AAK1: variants seen among roughly 807,000 people sequenced by gnomAD.
AAK1 encodes AP2 associated kinase 1, also known as AP2-associated protein kinase 1.
In AAK1, 37 loss-of-function variants were observed where a neutral mutation model predicts 116.0. The ratio of observed to expected loss-of-function variants is 0.32; its 90% CI spans 0.25 to 0.42. The LOEUF (loss-of-function observed/expected upper bound fraction) is 0.42, where lower values mean the gene tolerates loss of function less well. Ranked by LOEUF, AAK1 falls within the 10% of genes least tolerant of loss-of-function variation. The pLI is 1.00. For synonymous variants in AAK1, 458 were observed against 439.9 expected, an observed-to-expected ratio of 1.04 and a Z score of -0.51; for missense variants, 919 against 1,170.6, an observed-to-expected ratio of 0.79 and a Z score of 3.14.
Position 69,465,569 on chromosome 2 carries a change from G to C in AAK1, c.*10300C>G. The C allele has an allele frequency of 7.7e-7, 1 of 1,290,982 alleles. No individual in the cohort carries two copies. Among genetic ancestry groups the C allele is most frequent in the Non-Finnish European group, 1.0e-6 (1 of 988,882 alleles). 80.0% of individuals were successfully genotyped at this position (1,290,982 alleles called of 1,614,324 possible). A position where few individuals can be genotyped will look rare whatever the true frequency, so the allele number is the denominator to read the frequency against. On this transcript the variant is annotated 3_prime_UTR_variant, in exon 22 of 22. Coordinates refer to ENST00000409085, the MANE Select transcript of AAK1 (RefSeq NM_014911.5). ...TGTTGGTTTGTGAAACAATTTTGTA[G>C]GCAGCAATGGGCTGGGCTTCTGGAC...
chr2:69,562,595 T>TA (rs1452848043), intron 2 of AAK1, among the ~76,000 whole-genome samples: 1 of 152,122 alleles, frequency 6.6e-6, no homozygotes, highest in South Asian at 2.1e-4. Context: ...TTCAGACTTT[T>TA]AAAAAACAAA....
At chr2:69,546,333 C>G (rs1042730945) in intron 3 of AAK1, among the ~76,000 whole-genome samples, 6 of 152,192 alleles carry the variant, frequency 3.9e-5, no homozygotes, top group African/African-American at 1.4e-4. Context: ...CACACAATCT[C>G]TATAATTCAA....
chr2:69,529,826 T>C (rs1179869733), intron 8 of AAK1, among the ~76,000 whole-genome samples, 182 bp downstream of exon 8: 2 of 152,192 alleles, frequency 1.3e-5, no homozygotes, highest in Non-Finnish European at 2.9e-5. Flanking sequence ...TTCAGATTTC[T>C]AGCAAAAAGA....
chr2:69,476,750 A>G (rs150232867), intron 21 of AAK1, 130 bp downstream of exon 21: 46 of 633,840 alleles, frequency 7.3e-5, no homozygotes, highest in African/African-American at 2.7e-4. Flanking sequence ...CCAGCCTACA[A>G]TGATTCTCAT....
chr2:69,566,698 CCCT>C (rs1216436592), intron 2 of AAK1, among the ~76,000 whole-genome samples: 1 of 152,154 alleles, frequency 6.6e-6, no homozygotes, highest in Non-Finnish European at 1.5e-5. Flanking sequence ...GCAAGAGTCT[CCCT>C]CCTCCTCTCA....
intron 2 of AAK1, among the ~76,000 whole-genome samples, chr2:69,634,722 AAGAC>A (rs1416786492): frequency 6.6e-6 from 1 of 152,240 alleles, no homozygotes; most frequent in African/African-American, 2.4e-5. Context: ...AGATTTCATG[AAGAC>A]AGACTATTCT....
intron 5 of AAK1, among the ~76,000 whole-genome samples, chr2:69,539,007 C>T (rs1670592676): frequency 6.6e-6 from 1 of 152,216 alleles, no homozygotes; most frequent in Non-Finnish European, 1.5e-5. Flanking sequence ...CCCTTTCAGG[C>T]ATTTACCATG....
intron 2 of AAK1, among the ~76,000 whole-genome samples, chr2:69,640,079 T>TCTCC (rs746154277): frequency 5.9e-5 from 8 of 136,412 alleles, no homozygotes; most frequent in South Asian, 2.4e-4. Flanking sequence ...TCTCTCTCTC[T>TCTCC]CCCCCCCCAC....
intron 2 of AAK1, among the ~76,000 whole-genome samples, chr2:69,559,842 CTCTT>C (rs1671555705): frequency 6.6e-6 from 1 of 152,240 alleles, no homozygotes; most frequent in Non-Finnish European, 1.5e-5. Flanking sequence ...GACAAGGCAA[CTCTT>C]TCAGATGCTG....
intron 16 of AAK1, chr2:69,499,949 AC>A (rs1675906519): frequency 6.6e-6 from 1 of 152,240 alleles, no homozygotes; most frequent in African/African-American, 2.4e-5. Context: ...TGTAAATTAT[AC>A]ACAGGAAAAC....
At chr2:69,557,073 T>C (rs1159213661) in intron 2 of AAK1, 95 bp from the exon 3 acceptor site, 2 of 827,756 alleles carry the variant, frequency 2.4e-6, no homozygotes, top group African/African-American at 1.7e-5. Context: ...TCACTGCTAA[T>C]GGTACTAATG....
chr2:69,612,569 G>C (rs1437198385), intron 2 of AAK1, among the ~76,000 whole-genome samples: 1 of 152,174 alleles, frequency 6.6e-6, no homozygotes, highest in African/African-American at 2.4e-5. Flanking sequence ...ATTATCTAGG[G>C]AAGAATGTTT....
chr2:69,589,745 A>T (rs1487353890), intron 2 of AAK1, among the ~76,000 whole-genome samples: 1 of 151,706 alleles, frequency 6.6e-6, no homozygotes, highest in African/African-American at 2.4e-5. Context: ...AAAGAAAGTA[A>T]AGGAGTATTG....
intron 2 of AAK1, among the ~76,000 whole-genome samples, chr2:69,568,914 C>T (rs761525269): frequency 6.6e-6 from 1 of 152,172 alleles, no homozygotes; most frequent in Non-Finnish European, 1.5e-5. Flanking sequence ...CAGGACTGGG[C>T]ACCAGCTCAC....
intron 2 of AAK1, among the ~76,000 whole-genome samples, chr2:69,574,430 G>C (rs934451757): frequency 1.3e-5 from 2 of 151,048 alleles, no homozygotes; most frequent in Admixed American, 1.3e-4. Flanking sequence ...ATTGGGGCTG[G>C]GCATGGTGGT....
intron 2 of AAK1, among the ~76,000 whole-genome samples, chr2:69,615,733 G>A (rs1034452748): frequency 5.3e-5 from 8 of 152,116 alleles, no homozygotes; most frequent in Non-Finnish European, 8.8e-5. Context: ...TTCACTTCCC[G>A]GACTTGAAAA....
intron 14 of AAK1, among the ~76,000 whole-genome samples, chr2:69,508,299 C>G (rs1324226466): frequency 6.6e-6 from 1 of 152,144 alleles, no homozygotes; most frequent in African/African-American, 2.4e-5. Flanking sequence ...CTCTCAGGAT[C>G]CAGCATGCAT....
In AAK1 at chr2:69,466,582, G is replaced by T; in HGVS notation, c.*9287C>A. The T allele has an allele frequency of 1.7e-6, 2 of 1,165,066 alleles. No homozygotes were observed. The highest frequency in any genetic ancestry group is 2.2e-6 in the Non-Finnish European group (2 of 927,846). 72.2% of individuals were successfully genotyped at this position (1,165,066 alleles called of 1,614,324 possible). A position where few individuals can be genotyped will look rare whatever the true frequency, so the allele number is the denominator to read the frequency against. ...AAAGCATAAAATGCAGAATTAATGT[G>T]TAGGTCAATTCAACTCTATTTGGAA... On this transcript the variant is annotated 3_prime_UTR_variant, in exon 22 of 22. Transcript: ENST00000409085.
rs1169357117 is a variant in AAK1 at position 69,505,535 on chromosome 2, T to C, written c.2269+34A>G. The C allele has an allele frequency of 1.9e-6, 3 of 1,578,614 alleles. No homozygotes were observed. In the African/African-American group the frequency reaches 4.0e-5, roughly 21 times the overall value. On this transcript the variant is annotated intron_variant, in intron 16 of 21. Coordinates refer to ENST00000409085, the MANE Select transcript of AAK1 (RefSeq NM_014911.5). ...AAAAACAGTGTGAAGGTAACAACAGTGAACCTCCCGTTCCAGGTATTTGCC... is the reference window on the plus strand; with the variant it reads ...AAAAACAGTGTGAAGGTAACAACAGCGAACCTCCCGTTCCAGGTATTTGCC...
Sources: gnomAD v4.1 joint callset for allele counts (sites outside exome capture counted in the v4.1 genomes callset) on GRCh38, gnomAD v4.1.1 for gene constraint, MANE v1.5 for transcripts, NCBI Gene and HGNC (gene_info 2026-07-23, HGNC 2026-07-21) for gene names.